Variants in CXADR observed in about 807,000 individuals in gnomAD.
CXADR encodes the protein CXADR cell adhesion molecule, also known as coxsackievirus and adenovirus receptor.
In CXADR, 20 loss-of-function variants were observed where a neutral mutation model predicts 40.3. That is an observed-to-expected ratio of 0.50 (90% CI 0.35 to 0.72). The LOEUF (loss-of-function observed/expected upper bound fraction) is 0.72, where lower values mean the gene tolerates loss of function less well. CXADR is among the 30% of genes least tolerant of loss of function. CXADR has a pLI of 0.01. For missense variants in CXADR, 332 were observed against 449.1 expected (o/e 0.74, Z 2.36); for synonymous variants, 150 against 161.3 (o/e 0.93, Z 0.53).
At chr21:17,561,515 A>G in intron 6 of CXADR, 39 bp downstream of exon 6, 1 of 1,534,396 alleles carries the variant, frequency 6.5e-7, no homozygotes, top group South Asian at 1.2e-5. Context: ...TGTATACCAA[A>G]TATATGTCAT....
In CXADR at chr21:17,555,421, A is replaced by G. The variant is rs73308265; in HGVS notation, c.415+3468A>G. On this transcript the variant is annotated intron_variant, in intron 3 of 6. Coordinates refer to ENST00000284878, the MANE Select transcript of CXADR (RefSeq NM_001338.5). Reference sequence around the variant, plus strand: ...TTTATGGAAAAGTTGCAAAAATACAAGGAAGTTTCTGAGAGTGGATCCATC... The same window carrying G: ...TTTATGGAAAAGTTGCAAAAATACAGGGAAGTTTCTGAGAGTGGATCCATC... 2.9e-3 allele frequency among the ~76,000 whole-genome samples: 442 copies of G among 152,376 alleles called. 6 individuals carry two copies. Among genetic ancestry groups the G allele is most frequent in the African/African-American group, 0.01 (424 of 41,592 alleles).
At chr21:17,608,544 C>A in the CXADR span, among the ~76,000 whole-genome samples, 5 of 151,874 alleles carry the variant, frequency 3.3e-5, no homozygotes, top group Admixed American at 3.3e-4. Flanking sequence ...ATCTTAGTTC[C>A]CTTTTTCCAT....
At chr21:17,610,953 G>A in the CXADR span, among the ~76,000 whole-genome samples, 1 of 152,086 alleles carries the variant, frequency 6.6e-6, no homozygotes, top group Non-Finnish European at 1.5e-5. Context: ...AGGTGTGCTG[G>A]CAGCCGCAGA....
chr21:17,529,947 TTC>T (rs926090473), intron 1 of CXADR, among the ~76,000 whole-genome samples: 3 of 151,604 alleles, frequency 2.0e-5, no homozygotes, highest in Admixed American at 6.6e-5. Flanking sequence ...CTTTTTCTTT[TTC>T]TTTTTTTTTT....
chr21:17,550,376 G>A (rs996351000), intron 2 of CXADR, among the ~76,000 whole-genome samples: 1 of 147,886 alleles, frequency 6.8e-6, no homozygotes, highest in African/African-American at 2.5e-5. Context: ...AAGATCTTTG[G>A]TGGGTTGGGG....
chr21:17,624,509 A>C, the CXADR span, among the ~76,000 whole-genome samples: 46 of 152,184 alleles, frequency 3.0e-4, no homozygotes, highest in African/African-American at 1.1e-3. Flanking sequence ...AGTGCATGCT[A>C]TCCTCATGTT....
chr21:17,575,049 ATAAG>A (rs2061310536), downstream of CXADR, among the ~76,000 whole-genome samples: 1 of 9,976 alleles, frequency 1.0e-4, no homozygotes, highest in African/African-American at 1.5e-4. Flanking sequence ...ACATACATAC[ATAAG>A]GGTTGATATT....
downstream of CXADR, chr21:17,570,192 T>C: frequency 2.0e-6 from 2 of 985,142 alleles, no homozygotes; most frequent in Non-Finnish European, 2.4e-6. Flanking sequence ...TGTGTCATGG[T>C]TTCCTTCCCC....
downstream of CXADR, among the ~76,000 whole-genome samples, chr21:17,597,668 A>C (rs1207532618): frequency 6.6e-6 from 1 of 152,070 alleles, no homozygotes; most frequent in Admixed American, 6.5e-5. Flanking sequence ...TAGAATCCTA[A>C]ATTATGATAA....
At chr21:17,565,119 A>T (rs780800671) in intron 6 of CXADR, among the ~76,000 whole-genome samples, 16 of 152,152 alleles carry the variant, frequency 1.1e-4, no homozygotes, top group Non-Finnish European at 1.9e-4. Flanking sequence ...AGAATATGAA[A>T]CTATTTGAGA....
At chr21:17,561,621 C>T in intron 6 of CXADR, 145 bp downstream of exon 6, 1 of 641,754 alleles carries the variant, frequency 1.6e-6, no homozygotes, top group Non-Finnish European at 2.5e-6. Flanking sequence ...CATTTGAAAG[C>T]ATTTACTTCT....
chr21:17,594,838 T>A (rs990295024), downstream of CXADR, among the ~76,000 whole-genome samples: 1 of 151,960 alleles, frequency 6.6e-6, no homozygotes, highest in Non-Finnish European at 1.5e-5. Context: ...CATTGGAGTC[T>A]ATTTGAGAGG....
In CXADR at chr21:17,588,165, T is replaced by C. The variant is rs143929902; in HGVS notation, c.1018-4987T>C. On this transcript the variant is annotated intron_variant, in intron 7 of 7. Transcript: ENST00000400169. ...TGTAGTGTAGTTTGAAGTCAGGTAGTGTGATGCCTCCAGCTTTGTTCTTTT... is the reference window on the plus strand; with the variant it reads ...TGTAGTGTAGTTTGAAGTCAGGTAGCGTGATGCCTCCAGCTTTGTTCTTTT... 6.5e-3 allele frequency among the ~76,000 whole-genome samples: 984 copies of C among 152,284 alleles called. 60 individuals carry two copies. The East Asian group carries it at 0.13, about 20-fold the overall frequency.
intron 1 of CXADR, among the ~76,000 whole-genome samples, chr21:17,532,470 A>G (rs2060690766): frequency 6.6e-6 from 1 of 151,680 alleles, no homozygotes; most frequent in Non-Finnish European, 1.5e-5. Flanking sequence ...CTTTGCTCAC[A>G]TCTCTCAAGC....
the CXADR span, among the ~76,000 whole-genome samples, chr21:17,600,047 A>C: frequency 6.6e-6 from 1 of 152,166 alleles, no homozygotes; most frequent in Non-Finnish European, 1.5e-5. Context: ...TTTTAAGGTA[A>C]GATGAAAAAA....
chr21:17,594,224 G>C (rs1268110632), downstream of CXADR: 16 of 1,613,372 alleles, frequency 9.9e-6, no homozygotes, highest in Non-Finnish European at 1.3e-5. Context: ...TAACCAAATG[G>C]AACAGGAGGA....
At chr21:17,546,099 T>C (rs2060893883) in intron 1 of CXADR, among the ~76,000 whole-genome samples, 1 of 152,192 alleles carries the variant, frequency 6.6e-6, no homozygotes, top group South Asian at 2.1e-4. Flanking sequence ...AAAAGATAAG[T>C]AAATTGACAG....
At chr21:17,534,100 A>ATTTTTTT (rs1157117899) in intron 1 of CXADR, among the ~76,000 whole-genome samples, 9 of 60,072 alleles carry the variant, frequency 1.5e-4, no homozygotes, top group East Asian at 5.9e-4. Flanking sequence ...ATATATATAT[A>ATTTTTTT]TTTTTTTTTT....
chr21:17,544,324 A>G (rs970316299), intron 1 of CXADR, among the ~76,000 whole-genome samples: 6 of 152,340 alleles, frequency 3.9e-5, no homozygotes, highest in East Asian at 1.9e-4. Flanking sequence ...TTAAATAGAA[A>G]CATGGGCATG....
Sources: gnomAD v4.1 joint callset for allele counts (sites outside exome capture counted in the v4.1 genomes callset) on GRCh38, gnomAD v4.1.1 for gene constraint, MANE v1.5 for transcripts, NCBI Gene and HGNC (gene_info 2026-07-23, HGNC 2026-07-21) for gene names.